The following ARMH4 variants were observed in gnomAD, a reference collection of about 807,000 sequenced individuals.
The protein encoded by ARMH4 is armadillo like helical domain containing 4, also known as armadillo-like helical domain-containing protein 4.
ARMH4 carries 49 observed loss-of-function variants against 61.9 expected under a neutral mutation model. The observed-to-expected ratio is 0.79, with a 90% CI of 0.63 to 1.00. The LOEUF (loss-of-function observed/expected upper bound fraction) is 1.00, where lower values mean the gene tolerates loss of function less well. Ranked by LOEUF, ARMH4 falls within the 50% of genes least tolerant of loss-of-function variation. The pLI is 0.00. For synonymous variants in ARMH4, 368 were observed against 341.5 expected, an observed-to-expected ratio of 1.08 and a Z score of -0.85; for missense variants, 934 against 930.0, an observed-to-expected ratio of 1.00 and a Z score of -0.06.
chr14:58,074,666 G>T (rs143068733), intron 5 of ARMH4, among the ~76,000 whole-genome samples: 1 of 151,930 alleles, frequency 6.6e-6, no homozygotes, highest in African/African-American at 2.4e-5. Context: ...ACCATGATGC[G>T]GTTTTCCACC....
intron 1 of ARMH4, among the ~76,000 whole-genome samples, chr14:58,146,177 G>A (rs1887727226): frequency 6.6e-6 from 1 of 152,204 alleles, no homozygotes; most frequent in South Asian, 2.1e-4. Flanking sequence ...GTAAATATTG[G>A]CTGAACAAAC....
At chr14:58,085,824 T>A (rs933423243) in intron 5 of ARMH4, among the ~76,000 whole-genome samples, 1 of 152,148 alleles carries the variant, frequency 6.6e-6, no homozygotes, top group African/African-American at 2.4e-5. Context: ...TTACTTTTAG[T>A]GAAACTTTGG....
intron 4 of ARMH4, among the ~76,000 whole-genome samples, chr14:58,127,784 C>T (rs1886952585): frequency 6.6e-6 from 1 of 152,082 alleles, no homozygotes; most frequent in Admixed American, 6.5e-5. Flanking sequence ...CCATGGCAAG[C>T]ACCAACTGGC....
intron 4 of ARMH4, among the ~76,000 whole-genome samples, chr14:58,121,385 G>A (rs1871368376): frequency 6.6e-6 from 1 of 152,054 alleles, no homozygotes; most frequent in Admixed American, 6.6e-5. Flanking sequence ...AATAGATGAG[G>A]GGAACCAACT....
intron 4 of ARMH4, chr14:58,131,262 C>T: frequency 4.8e-6 from 2 of 417,122 alleles, no homozygotes; most frequent in Non-Finnish European, 8.5e-6. Flanking sequence ...ATTTTTATAA[C>T]TTTTCTATGT....
chr14:58,014,557 G>C (rs1164180701), intron 5 of ARMH4, among the ~76,000 whole-genome samples: 1 of 152,176 alleles, frequency 6.6e-6, no homozygotes, highest in African/African-American at 2.4e-5. Flanking sequence ...AGGAGGGGAA[G>C]AAAGGTAAGT....
intron 5 of ARMH4, among the ~76,000 whole-genome samples, chr14:58,071,071 A>G (rs552740940): frequency 1.3e-5 from 2 of 151,748 alleles, no homozygotes; most frequent in South Asian, 4.2e-4. Context: ...TACCTTTTAT[A>G]ATGTGAAAAA....
intron 4 of ARMH4, among the ~76,000 whole-genome samples, chr14:58,120,112 T>C (rs1886674057): frequency 1.3e-5 from 2 of 152,144 alleles, no homozygotes; most frequent in African/African-American, 4.8e-5. Flanking sequence ...CTATAAGGTA[T>C]AGCCTATTGC....
chr14:58,106,800 G>A (rs888648670), intron 4 of ARMH4, among the ~76,000 whole-genome samples: 1 of 124,178 alleles, frequency 8.1e-6, no homozygotes, highest in African/African-American at 2.5e-5. Flanking sequence ...TACTTGGTAG[G>A]TGAAAAAAAA....
intron 6 of ARMH4, among the ~76,000 whole-genome samples, chr14:58,005,928 C>T (rs1882156657): frequency 6.6e-6 from 1 of 152,052 alleles, no homozygotes; most frequent in Admixed American, 6.6e-5. Flanking sequence ...ATGTCCCAGC[C>T]CCAAAGAAAG....
chr14:58,068,764 T>C (rs149918577), intron 5 of ARMH4, among the ~76,000 whole-genome samples: 3,360 of 152,186 alleles, frequency 0.022, 134 homozygotes, highest in African/African-American at 0.076. Flanking sequence ...CCCAACACTT[T>C]GAGAGGCCGA....
intron 5 of ARMH4, among the ~76,000 whole-genome samples, chr14:58,079,599 C>A (rs182152681): frequency 6.6e-6 from 1 of 152,214 alleles, no homozygotes; most frequent in East Asian, 1.9e-4. Flanking sequence ...GAGAAAGATC[C>A]CAGGAAATGA....
chr14:58,055,309 C>T (rs953946764), intron 5 of ARMH4, among the ~76,000 whole-genome samples: 3 of 152,158 alleles, frequency 2.0e-5, no homozygotes, highest in African/African-American at 7.2e-5. Flanking sequence ...TGTATATAAC[C>T]TCTACTCACC....
intron 5 of ARMH4, among the ~76,000 whole-genome samples, chr14:58,079,335 T>C (rs1268793424): frequency 6.6e-6 from 1 of 152,196 alleles, no homozygotes; most frequent in Non-Finnish European, 1.5e-5. Flanking sequence ...CATCATCCGA[T>C]GGCAGAAGGC....
At chr14:58,081,679 T>C (rs899937227) in intron 5 of ARMH4, among the ~76,000 whole-genome samples, 1 of 151,422 alleles carries the variant, frequency 6.6e-6, no homozygotes, top group African/African-American at 2.4e-5. Context: ...TTTTTTGTAT[T>C]TTTTAGTGAA....
intron 5 of ARMH4, among the ~76,000 whole-genome samples, chr14:58,029,361 G>A (rs1408114567): frequency 6.6e-6 from 1 of 152,016 alleles, no homozygotes; most frequent in Non-Finnish European, 1.5e-5. Flanking sequence ...AGCCTCCCCA[G>A]TAGCTGGGAT....
intron 2 of ARMH4, among the ~76,000 whole-genome samples, chr14:58,135,906 CA>C (rs1247127273): frequency 1.3e-5 from 2 of 151,776 alleles, no homozygotes; most frequent in Non-Finnish European, 2.9e-5. Flanking sequence ...CAACTGCTGT[CA>C]ATAATTGCAA....
At chr14:58,130,948 A>G (rs1385091355) in intron 4 of ARMH4, among the ~76,000 whole-genome samples, 6 of 152,192 alleles carry the variant, frequency 3.9e-5, no homozygotes, top group Non-Finnish European at 7.3e-5. Flanking sequence ...CTGATGCCAG[A>G]TTCCACCCCC....
At position 58,012,165 on chromosome 14, in the gene ARMH4, AGAT is replaced by A. The variant is rs773963051; in HGVS notation, c.2090-18_2090-16del. On this transcript the variant is annotated splice_polypyrimidine_tract_variant and intron_variant, in intron 5 of 7. Coordinates refer to ENST00000267485, the MANE Select transcript of ARMH4 (RefSeq NM_001001872.4). Reference sequence around the variant, plus strand: ...CCAGCTTCTCACTAGGAAAAAAATAAGATAATAAAATGAAATAACCATCTTTTA... The same window carrying A: ...CCAGCTTCTCACTAGGAAAAAAATAAAATAAAATGAAATAACCATCTTTTA... 1 of 1,345,108 alleles carries A rather than the reference AGAT, an allele frequency of 7.4e-7. No homozygotes were observed. Among genetic ancestry groups the A allele is most frequent in the Admixed American group, 2.1e-5 (1 of 47,676 alleles). The allele number at this position is 1,345,108 out of a possible 1,614,324, so 83.3% of individuals were successfully genotyped here.
Sources: allele counts gnomAD v4.1 joint callset (sites outside exome capture counted in the v4.1 genomes callset), GRCh38; gene constraint gnomAD v4.1.1; transcripts MANE v1.5; gene names NCBI Gene and HGNC (gene_info 2026-07-23, HGNC 2026-07-21).